ZNF469: variants seen among roughly 807,000 people sequenced by gnomAD.
The protein encoded by ZNF469 is zinc finger protein 469.
Under a neutral mutation model 1.0 loss-of-function variants are expected in ZNF469, and 1 was observed. The observed-to-expected ratio is 1.00, with a 90% CI of 0.35 to 4.73. ZNF469 has a LOEUF of 4.73. Among genes scored for constraint, ZNF469 ranks in the 30% most tolerant of loss-of-function variants. The pLI is 0.16. For missense variants in ZNF469, 6,100 were observed against 5,356.3 expected (o/e 1.14, Z -4.33); for synonymous variants, 2,703 against 2,363.4 (o/e 1.14, Z -4.17).
the ZNF469 span, among the ~76,000 whole-genome samples, chr16:88,117,140 T>A: frequency 1.3e-5 from 2 of 150,814 alleles, no homozygotes; most frequent in East Asian, 2.0e-4. Flanking sequence ...GGGCCAGGGA[T>A]ATGTGAGAGC....
chr16:88,181,317 G>A, the ZNF469 span, among the ~76,000 whole-genome samples: 1 of 151,204 alleles, frequency 6.6e-6, no homozygotes, highest in Admixed American at 6.6e-5. Flanking sequence ...TGATCCACCC[G>A]CCTCGGCCTC....
chr16:88,413,239 G>C (rs1905222090), intron 1 of ZNF469, among the ~76,000 whole-genome samples: 1 of 152,260 alleles, frequency 6.6e-6, no homozygotes, highest in Non-Finnish European at 1.5e-5. Flanking sequence ...CAAGAAGGCA[G>C]AGCAGCAGGA....
chr16:88,196,393 G>A, the ZNF469 span, among the ~76,000 whole-genome samples: 1 of 152,148 alleles, frequency 6.6e-6, no homozygotes, highest in Non-Finnish European at 1.5e-5. Context: ...AGCCATCGGG[G>A]GGAAATTTGG....
At chr16:88,133,058 T>C in the ZNF469 span, among the ~76,000 whole-genome samples, 1 of 152,040 alleles carries the variant, frequency 6.6e-6, no homozygotes, top group African/African-American at 2.4e-5. Context: ...CACACACAGG[T>C]TGGGGGCCGG....
the ZNF469 span, among the ~76,000 whole-genome samples, chr16:88,158,883 G>C: frequency 1.3e-5 from 2 of 152,002 alleles, no homozygotes; most frequent in Admixed American, 1.3e-4. Context: ...ATCAAGTTGT[G>C]GTTCTGAACC....
At chr16:88,192,907 A>C in the ZNF469 span, among the ~76,000 whole-genome samples, 22 of 143,164 alleles carry the variant, frequency 1.5e-4, no homozygotes, top group African/African-American at 5.8e-4. Context: ...GGTGGTGATG[A>C]TGGAGGTGAT....
At chr16:88,389,359 C>T (rs970641076) in intron 1 of ZNF469, among the ~76,000 whole-genome samples, 4 of 152,240 alleles carry the variant, frequency 2.6e-5, no homozygotes, top group African/African-American at 9.6e-5. Context: ...TGCGGCTGAG[C>T]GCTGTTCTGC....
chr16:88,163,375 G>A, the ZNF469 span, among the ~76,000 whole-genome samples: 1 of 150,128 alleles, frequency 6.7e-6, no homozygotes, highest in Non-Finnish European at 1.5e-5. Flanking sequence ...GGGTGGGTGG[G>A]TGGATGTATG....
At chr16:88,405,986 T>C (rs1330689070) in intron 1 of ZNF469, among the ~76,000 whole-genome samples, 1 of 152,194 alleles carries the variant, frequency 6.6e-6, no homozygotes, top group Admixed American at 6.5e-5. Context: ...TGAATTGCTT[T>C]TGGGGACTTT....
rs187712264 is a variant in ZNF469 at position 88,400,562 on chromosome 16, C to T, written c.-192+17308C>T. Among the ~76,000 whole-genome samples, 288 of 152,260 alleles carry T rather than the reference C, an allele frequency of 1.9e-3. 1 individual carries two copies. Among genetic ancestry groups the T allele is most frequent in the African/African-American group, 6.5e-3 (271 of 41,548 alleles). ...GGCGAGCCCAAAGGCCTTCCTGGGG[C>T]CAGGGACCCAACTGCTCCACATCAG... On this transcript the variant is annotated intron_variant, in intron 1 of 2. Transcript: ENST00000565624.
At chr16:88,193,117 A>G in the ZNF469 span, among the ~76,000 whole-genome samples, 39 of 67,210 alleles carry the variant, frequency 5.8e-4, no homozygotes, top group African/African-American at 8.1e-4. Context: ...GGTGGTGGTG[A>G]TGGTGGTGGT....
At chr16:88,303,832 G>A in the ZNF469 span, among the ~76,000 whole-genome samples, 1 of 152,206 alleles carries the variant, frequency 6.6e-6, no homozygotes, top group South Asian at 2.1e-4. Flanking sequence ...TCATCAGGAG[G>A]TTGTGCAGAT....
At chr16:88,226,991 G>A in the ZNF469 span, among the ~76,000 whole-genome samples, 1 of 149,278 alleles carries the variant, frequency 6.7e-6, no homozygotes. Context: ...GGGCCTGCGC[G>A]TTTCCACCCG....
chr16:88,306,315 T>C, the ZNF469 span, among the ~76,000 whole-genome samples: 1 of 152,362 alleles, frequency 6.6e-6, no homozygotes, highest in East Asian at 1.9e-4. Flanking sequence ...GTAAGGGAAC[T>C]TGAGGAGCTG....
the ZNF469 span, among the ~76,000 whole-genome samples, chr16:88,367,976 C>T: frequency 1.3e-5 from 2 of 152,188 alleles, no homozygotes; most frequent in South Asian, 4.2e-4. Context: ...TGCCCGCAGA[C>T]GAAAGCACGC....
At chr16:88,144,028 G>A in the ZNF469 span, among the ~76,000 whole-genome samples, 2 of 152,214 alleles carry the variant, frequency 1.3e-5, no homozygotes, top group South Asian at 2.1e-4. Flanking sequence ...CAGGGGAAAC[G>A]GCGCAGGGTC....
the ZNF469 span, among the ~76,000 whole-genome samples, chr16:88,224,952 C>T: frequency 6.6e-6 from 1 of 152,184 alleles, no homozygotes; most frequent in Non-Finnish European, 1.5e-5. Context: ...GTGGCTCAGC[C>T]CCATGGTGGG....
rs771721358 is a variant in ZNF469 at position 88,429,287 on chromosome 16, C to T, written c.1817C>T (p.Ser606Phe). Reference protein sequence around the residue: ...PATNTAGSTCSSLSPMSSSPA... With the variant: ...PATNTAGSTCFSLSPMSSSPA... ...ACCAACACGGCCGGCAGCACCTGCT[C>T]TTCCCTGTCGCCGATGTCCAGCAGC... Residue 606 changes from serine to phenylalanine, a missense_variant, in exon 3 of 3, where the codon TCT becomes TTT. Transcript: ENST00000565624. The T allele has an allele frequency of 4.5e-6, 7 of 1,549,842 alleles. No individual in the cohort carries two copies. In the South Asian group the frequency reaches 5.9e-5, roughly 13 times the overall value.
At chr16:88,317,833 C>T in the ZNF469 span, among the ~76,000 whole-genome samples, 1 of 152,238 alleles carries the variant, frequency 6.6e-6, no homozygotes, top group Non-Finnish European at 1.5e-5. Context: ...TTTAAGGATT[C>T]ACCATACTTC....
Sources: allele counts gnomAD v4.1 joint callset (sites outside exome capture counted in the v4.1 genomes callset), GRCh38; gene constraint gnomAD v4.1.1; transcripts MANE v1.5; gene names NCBI Gene and HGNC (gene_info 2026-07-23, HGNC 2026-07-21).